Variants in TNIK observed in about 807,000 individuals in gnomAD.
TNIK encodes the protein TRAF2 and NCK interacting kinase.
A neutral mutation model predicts 191.3 loss-of-function variants in TNIK; 49 were observed. The observed-to-expected ratio is 0.26, with a 90% CI of 0.20 to 0.32. The LOEUF (loss-of-function observed/expected upper bound fraction) is 0.32, where lower values mean the gene tolerates loss of function less well. TNIK is among the 10% of genes least tolerant of loss of function. The pLI is 1.00. For synonymous variants in TNIK, 594 were observed against 600.9 expected, an observed-to-expected ratio of 0.99 and a Z score of 0.17; for missense variants, 1,155 against 1,702.3, an observed-to-expected ratio of 0.68 and a Z score of 5.66.
chr3:171,337,375 GC>G (rs1404761132), intron 2 of TNIK, among the ~76,000 whole-genome samples: 1 of 152,238 alleles, frequency 6.6e-6, no homozygotes, highest in Admixed American at 6.5e-5. Context: ...CAGGGAGAAA[GC>G]AAAAGACCTC....
intron 27 of TNIK, among the ~76,000 whole-genome samples, chr3:171,080,970 C>T (rs975692938): frequency 1.3e-5 from 2 of 152,194 alleles, no homozygotes; most frequent in African/African-American, 4.8e-5. Context: ...TTCATTTTCT[C>T]CTTTCCCTAT....
chr3:171,345,812 T>C (rs997001477), intron 2 of TNIK, among the ~76,000 whole-genome samples: 2 of 152,188 alleles, frequency 1.3e-5, no homozygotes, highest in Non-Finnish European at 2.9e-5. Context: ...ATGCTTTTAG[T>C]ATCATCTAGT....
In TNIK at chr3:171,110,890, C is replaced by T; in HGVS notation, c.2121-13G>A. 1 of 1,592,512 alleles carries T rather than the reference C, an allele frequency of 6.3e-7. No individual in the cohort carries two copies. Among genetic ancestry groups the T allele is most frequent in the South Asian group, 1.2e-5 (1 of 86,372 alleles). Reference sequence around the variant, plus strand: ...GAGATCAGGGTTGCTGTGTGAGTGACAGAGCACACTGGTTACACTCTCCAG... The same window carrying T: ...GAGATCAGGGTTGCTGTGTGAGTGATAGAGCACACTGGTTACACTCTCCAG... On this transcript the variant is annotated splice_polypyrimidine_tract_variant and intron_variant, in intron 18 of 32. Transcript: ENST00000436636.
chr3:171,344,563 A>G (rs1381255443), intron 2 of TNIK, among the ~76,000 whole-genome samples: 1 of 152,168 alleles, frequency 6.6e-6, no homozygotes, highest in African/African-American at 2.4e-5. Flanking sequence ...TCTGCTAAGT[A>G]TTAGGTGACC....
chr3:171,445,006 T>C (rs1046367691), intron 1 of TNIK, among the ~76,000 whole-genome samples: 4 of 151,874 alleles, frequency 2.6e-5, no homozygotes, highest in Non-Finnish European at 5.9e-5. Context: ...TGAGCCACCA[T>C]GCCCAGCCAA....
chr3:171,315,255 G>A (rs1022583187), intron 2 of TNIK, among the ~76,000 whole-genome samples: 14 of 152,176 alleles, frequency 9.2e-5, no homozygotes, highest in East Asian at 5.8e-4. Flanking sequence ...ACAACCACAC[G>A]GGCCATTATT....
chr3:171,109,571 G>A (rs1025197522), intron 19 of TNIK, among the ~76,000 whole-genome samples: 2 of 152,178 alleles, frequency 1.3e-5, no homozygotes, highest in Non-Finnish European at 1.5e-5. Flanking sequence ...TTAGGAGGTG[G>A]TATGTAATAA....
chr3:171,451,294 G>A (rs1255354679), intron 1 of TNIK, among the ~76,000 whole-genome samples: 1 of 152,180 alleles, frequency 6.6e-6, no homozygotes, highest in Non-Finnish European at 1.5e-5. Flanking sequence ...CCACCTACGT[G>A]GGGAGGAACT....
At chr3:171,365,099 T>C (rs541836226) in intron 2 of TNIK, among the ~76,000 whole-genome samples, 4 of 150,166 alleles carry the variant, frequency 2.7e-5, no homozygotes, top group East Asian at 2.0e-4. Context: ...AAGTATATGT[T>C]TGGAGGAAGA....
chr3:171,098,612 G>C (rs1723037347), intron 22 of TNIK, among the ~76,000 whole-genome samples: 1 of 152,180 alleles, frequency 6.6e-6, no homozygotes. Context: ...AATGGCTGGT[G>C]CTCCATTTCT....
intron 2 of TNIK, among the ~76,000 whole-genome samples, chr3:171,291,888 C>G (rs1405875028): frequency 6.6e-6 from 1 of 152,156 alleles, no homozygotes; most frequent in African/African-American, 2.4e-5. Flanking sequence ...TTCTGTCCCA[C>G]AGGTCTAGGA....
chr3:171,213,993 A>C (rs1407058960), intron 3 of TNIK, among the ~76,000 whole-genome samples: 1 of 152,208 alleles, frequency 6.6e-6, no homozygotes, highest in Non-Finnish European at 1.5e-5. Flanking sequence ...GGAAGGCCAA[A>C]ATGTAAATCA....
At chr3:171,139,671 A>G in intron 13 of TNIK, 115 bp from the exon 14 acceptor site, 1 of 821,898 alleles carries the variant, frequency 1.2e-6, no homozygotes, top group Non-Finnish European at 2.0e-6. Flanking sequence ...GGAGGGGAAA[A>G]ATACCCAAAT....
chr3:171,089,712 A>G (rs1380254557), intron 23 of TNIK, among the ~76,000 whole-genome samples: 1 of 152,194 alleles, frequency 6.6e-6, no homozygotes, highest in East Asian at 1.9e-4. Context: ...ACAAAGACAG[A>G]TGTACAACAG....
intron 1 of TNIK, among the ~76,000 whole-genome samples, chr3:171,376,652 A>T (rs1248942953): frequency 6.6e-6 from 1 of 152,190 alleles, no homozygotes; most frequent in African/African-American, 2.4e-5. Flanking sequence ...GCCCAGAAGC[A>T]TATCTTCATT....
At chr3:171,232,040 A>T (rs1361827073) in intron 2 of TNIK, among the ~76,000 whole-genome samples, 2 of 152,206 alleles carry the variant, frequency 1.3e-5, no homozygotes, top group Non-Finnish European at 2.9e-5. Context: ...TTAATAATTT[A>T]TTTTTTAAAT....
chr3:171,408,346 T>G (rs958209777), intron 1 of TNIK, among the ~76,000 whole-genome samples: 1 of 152,160 alleles, frequency 6.6e-6, no homozygotes, highest in Admixed American at 6.5e-5. Context: ...TTTAATAAGC[T>G]TTTAGGAAAT....
In TNIK at chr3:171,338,059, C is replaced by G. The variant is rs1006956229; in HGVS notation, c.123+31561G>C. 2.0e-5 allele frequency among the ~76,000 whole-genome samples: 3 copies of G among 152,168 alleles called. No individual in the cohort carries two copies. In the South Asian group the frequency reaches 6.2e-4, roughly 32 times the overall value. Reference sequence around the variant, plus strand: ...GTACCTTTGAATCTCTTAATTTTACCAGGCTCTTCTACGTGGACCTATATT... The same window carrying G: ...GTACCTTTGAATCTCTTAATTTTACGAGGCTCTTCTACGTGGACCTATATT... On this transcript the variant is annotated intron_variant, in intron 2 of 32. Coordinates refer to ENST00000436636, the MANE Select transcript of TNIK (RefSeq NM_015028.4).
Position 171,376,351 on chromosome 3 carries a change from C to A in TNIK, c.58-6666G>T, listed in dbSNP as rs576441982. Among the ~76,000 whole-genome samples, 3 of 152,164 alleles carry A rather than the reference C, an allele frequency of 2.0e-5. No homozygotes were observed. In the East Asian group the frequency reaches 5.8e-4, roughly 29 times the overall value. On this transcript the variant is annotated intron_variant, in intron 1 of 32. Transcript: ENST00000436636. Reference sequence around the variant, plus strand: ...GTAATTTTTTACTTTAACTTCCCCTCTTCTAAAGCAGTAGAGGTTTGCAGA... The same window carrying A: ...GTAATTTTTTACTTTAACTTCCCCTATTCTAAAGCAGTAGAGGTTTGCAGA...
Sources: allele counts gnomAD v4.1 joint callset (sites outside exome capture counted in the v4.1 genomes callset), GRCh38; gene constraint gnomAD v4.1.1; transcripts MANE v1.5; gene names NCBI Gene and HGNC (gene_info 2026-07-23, HGNC 2026-07-21).